The following THSD4 variants were observed in gnomAD, a reference collection of about 807,000 sequenced individuals.
The protein encoded by THSD4 is thrombospondin type-1 domain-containing protein 4.
In THSD4, 69 loss-of-function variants were observed where a neutral mutation model predicts 119.0. The ratio of observed to expected loss-of-function variants is 0.58; its 90% CI spans 0.48 to 0.71. THSD4 has a LOEUF of 0.71. Among genes scored for constraint, THSD4 ranks in the 30% least tolerant of loss-of-function variants. The pLI, the probability that THSD4 is intolerant of heterozygous loss-of-function variation, is 0.00. For missense variants in THSD4, 1,393 were observed against 1,391.1 expected (o/e 1.00, Z -0.02); for synonymous variants, 524 against 540.4 (o/e 0.97, Z 0.42).
At position 71,776,945 on chromosome 15, in the gene THSD4, C is replaced by T. The variant is rs1024019071; in HGVS notation, c.2915-287C>T. ...TAAAGAAATGTTTGGGGATAAGAAA[C>T]GCCAAATTTGGAACTTCTGATTACC... On this transcript the variant is annotated intron_variant, in intron 17 of 17. Transcript: ENST00000261862. Among the ~76,000 whole-genome samples the T allele has an allele frequency of 2.6e-5, 4 of 152,084 alleles. No individual in the cohort carries two copies. In the East Asian group the frequency reaches 5.8e-4, roughly 22 times the overall value.
intron 7 of THSD4, among the ~76,000 whole-genome samples, chr15:71,445,923 G>A (rs1369690927): frequency 6.6e-6 from 1 of 152,214 alleles, no homozygotes; most frequent in African/African-American, 2.4e-5. Flanking sequence ...GTGGAGATGA[G>A]TCCATGTTTT....
chr15:71,385,685 C>T (rs2046286671), intron 6 of THSD4, among the ~76,000 whole-genome samples: 1 of 152,178 alleles, frequency 6.6e-6, no homozygotes, highest in Admixed American at 6.5e-5. Flanking sequence ...TGTTACAAAG[C>T]CAAATTCCTA....
intron 6 of THSD4, among the ~76,000 whole-genome samples, chr15:71,282,589 C>T (rs1422561067): frequency 6.6e-6 from 1 of 152,146 alleles, no homozygotes; most frequent in Non-Finnish European, 1.5e-5. Flanking sequence ...CATAGGCCAA[C>T]ACCCACAGTT....
At chr15:71,259,092 A>T (rs2044358554) in intron 6 of THSD4, among the ~76,000 whole-genome samples, 1 of 151,940 alleles carries the variant, frequency 6.6e-6, no homozygotes, top group South Asian at 2.1e-4. Flanking sequence ...CAGCCTGGAC[A>T]ACAAGAGTGC....
chr15:71,666,857 T>C (rs2051427249), intron 8 of THSD4, among the ~76,000 whole-genome samples: 1 of 152,244 alleles, frequency 6.6e-6, no homozygotes, highest in Non-Finnish European at 1.5e-5. Flanking sequence ...CCTAGCCTAC[T>C]AGACTCAGAT....
intron 4 of THSD4, among the ~76,000 whole-genome samples, chr15:71,240,811 A>G (rs1356406058): frequency 7.1e-6 from 1 of 140,026 alleles, no homozygotes; most frequent in African/African-American, 2.7e-5. Flanking sequence ...ACACACACAC[A>G]CACACACACA....
intron 6 of THSD4, among the ~76,000 whole-genome samples, chr15:71,335,705 T>C (rs2045481975): frequency 6.6e-6 from 1 of 152,146 alleles, no homozygotes; most frequent in South Asian, 2.1e-4. Context: ...ATGATGCCAC[T>C]CTGGAGAGCA....
At chr15:71,333,202 A>G (rs551207342) in intron 6 of THSD4, among the ~76,000 whole-genome samples, 19 of 152,118 alleles carry the variant, frequency 1.2e-4, no homozygotes, top group South Asian at 6.2e-4. Flanking sequence ...AGGCATTAGC[A>G]GCTCAGCCCA....
Position 71,242,907 on chromosome 15 carries a change from C to T in THSD4, c.723C>T (p.Pro241=). The stretch of plus-strand genomic sequence containing the variant: ...CTGGACTGCAGGCTGCGGAGGCCCC[C>T]ATCTACCAGCTACCTTTGACCCATG... ...PRSGLQAAEA[P]IYQLPLTHDQ... The change falls in exon 5 of 18, where the codon CCC becomes CCT. Residue 241 remains proline (P), a synonymous_variant. Coordinates refer to ENST00000261862, the MANE Select transcript of THSD4 (RefSeq NM_024817.3). 6.2e-6 allele frequency: 10 copies of T among 1,614,194 alleles called. No homozygotes were observed. Among genetic ancestry groups the T allele is most frequent in the Non-Finnish European group, 8.5e-6 (10 of 1,180,042 alleles).
chr15:71,559,809 C>T (rs1274284632), intron 7 of THSD4, among the ~76,000 whole-genome samples: 2 of 152,150 alleles, frequency 1.3e-5, no homozygotes, highest in Admixed American at 6.5e-5. Flanking sequence ...TATAAAGCAG[C>T]TCAGCTACAT....
At chr15:71,549,863 A>T (rs2140856489) in intron 7 of THSD4, 1 of 152,542 alleles carries the variant, frequency 6.6e-6, no homozygotes, top group Admixed American at 6.5e-5. Flanking sequence ...GATAAGCAGG[A>T]CCTGGCAGGT....
intron 7 of THSD4, among the ~76,000 whole-genome samples, chr15:71,584,096 T>C (rs2049611377): frequency 6.6e-6 from 1 of 152,100 alleles, no homozygotes; most frequent in South Asian, 2.1e-4. Flanking sequence ...TATGTATTTA[T>C]AATTATTATA....
At chr15:71,739,716 G>A (rs1479489938) in intron 11 of THSD4, among the ~76,000 whole-genome samples, 2 of 151,820 alleles carry the variant, frequency 1.3e-5, no homozygotes, top group African/African-American at 4.8e-5. Context: ...AGGGGAGGTT[G>A]CTAAAGAAAC....
intron 6 of THSD4, among the ~76,000 whole-genome samples, chr15:71,295,415 G>T (rs1235915038): frequency 1.3e-5 from 2 of 152,138 alleles, no homozygotes; most frequent in Non-Finnish European, 2.9e-5. Context: ...CTTCCTGCGA[G>T]TTAAGGGGGA....
At chr15:71,353,124 T>C (rs1226691796) in intron 6 of THSD4, among the ~76,000 whole-genome samples, 9 of 152,208 alleles carry the variant, frequency 5.9e-5, no homozygotes. Flanking sequence ...GTAGTGATCA[T>C]GCATCCCAGT....
chr15:71,631,701 G>A (rs1281130308), intron 7 of THSD4, among the ~76,000 whole-genome samples: 1 of 152,210 alleles, frequency 6.6e-6, no homozygotes, highest in Admixed American at 6.5e-5. Flanking sequence ...CCTTGGCTAC[G>A]CGGTTCCAGT....
intron 3 of THSD4, among the ~76,000 whole-genome samples, chr15:71,209,069 A>G: frequency 6.6e-6 from 1 of 152,086 alleles, no homozygotes; most frequent in East Asian, 1.9e-4. Flanking sequence ...TTACCCTGAC[A>G]CCCACCTCAC....
intron 2 of THSD4, among the ~76,000 whole-genome samples, chr15:71,153,711 G>A (rs372104465): frequency 3.5e-4 from 54 of 152,224 alleles, no homozygotes; most frequent in African/African-American, 1.3e-3. Flanking sequence ...CTTGGTTCGG[G>A]GCAGTGTTTC....
At chr15:71,219,017 A>ATT (rs527545154) in intron 4 of THSD4, among the ~76,000 whole-genome samples, 1 of 150,070 alleles carries the variant, frequency 6.7e-6, no homozygotes, top group Non-Finnish European at 1.5e-5. Context: ...CAAAATTACC[A>ATT]TTTTTTTTTT....
Sources: gnomAD v4.1 joint callset for allele counts (sites outside exome capture counted in the v4.1 genomes callset) on GRCh38, gnomAD v4.1.1 for gene constraint, MANE v1.5 for transcripts, NCBI Gene and HGNC (gene_info 2026-07-23, HGNC 2026-07-21) for gene names.